RAD51B: variants seen among roughly 807,000 people sequenced by gnomAD.
RAD51B encodes DNA repair protein RAD51 homolog 2.
A neutral mutation model predicts 42.2 loss-of-function variants in RAD51B; 38 were observed. The observed-to-expected ratio is 0.90, with a 90% CI of 0.70 to 1.18. The LOEUF (loss-of-function observed/expected upper bound fraction) is 1.18, where lower values mean the gene tolerates loss of function less well. Among genes scored for constraint, RAD51B ranks in the 50% most tolerant of loss-of-function variants. The pLI is 0.00. For missense variants in RAD51B, 373 were observed against 400.7 expected (o/e 0.93, Z 0.59); for synonymous variants, 154 against 145.2 (o/e 1.06, Z -0.43).
chr14:68,171,579 G>A (rs1450710543), intron 7 of RAD51B, among the ~76,000 whole-genome samples: 1 of 151,934 alleles, frequency 6.6e-6, no homozygotes, highest in African/African-American at 2.4e-5. Context: ...GGGATTACAG[G>A]CATAAGAACC....
intron 8 of RAD51B, among the ~76,000 whole-genome samples, chr14:68,315,732 C>T (rs1365098024): frequency 2.0e-5 from 3 of 152,120 alleles, no homozygotes; most frequent in Admixed American, 6.5e-5. Context: ...CCATGTTAGC[C>T]AGGATAGTCT....
At chr14:68,349,641 C>T (rs2082743312) in intron 8 of RAD51B, among the ~76,000 whole-genome samples, 1 of 152,190 alleles carries the variant, frequency 6.6e-6, no homozygotes. Flanking sequence ...GCTGGGATTA[C>T]AGGCATGAGC....
intron 7 of RAD51B, among the ~76,000 whole-genome samples, chr14:68,096,532 T>C (rs548576528): frequency 6.6e-6 from 1 of 152,342 alleles, no homozygotes; most frequent in East Asian, 1.9e-4. Context: ...CAATGATGGA[T>C]GTTATAGCAA....
At chr14:68,148,882 G>A (rs2078313082) in intron 7 of RAD51B, among the ~76,000 whole-genome samples, 2 of 152,200 alleles carry the variant, frequency 1.3e-5, no homozygotes, top group Non-Finnish European at 2.9e-5. Context: ...AAGATATGAT[G>A]TTCTGTAGGT....
At chr14:68,003,708 A>G (rs1426487427) in intron 7 of RAD51B, among the ~76,000 whole-genome samples, 10 of 152,116 alleles carry the variant, frequency 6.6e-5, no homozygotes. Flanking sequence ...TACCTAGTTT[A>G]TTGAGAGTTT....
intron 7 of RAD51B, among the ~76,000 whole-genome samples, chr14:68,031,887 T>A (rs1243550297): frequency 6.6e-6 from 1 of 152,244 alleles, no homozygotes; most frequent in Non-Finnish European, 1.5e-5. Flanking sequence ...GCTTCTGCTC[T>A]GAATGATATG....
At chr14:68,112,009 C>T (rs1447203019) in intron 7 of RAD51B, among the ~76,000 whole-genome samples, 1 of 152,090 alleles carries the variant, frequency 6.6e-6, no homozygotes, top group Non-Finnish European at 1.5e-5. Flanking sequence ...TCTAACTCTC[C>T]TGCAAGAGGC....
intron 8 of RAD51B, among the ~76,000 whole-genome samples, chr14:68,318,234 A>G (rs757357984): frequency 2.6e-5 from 4 of 152,222 alleles, no homozygotes; most frequent in African/African-American, 9.6e-5. Context: ...TGTCCAGTTC[A>G]ACCTGGCCAT....
chr14:68,410,941 C>CG (rs113532492), intron 8 of RAD51B, among the ~76,000 whole-genome samples: 35,688 of 151,146 alleles, frequency 0.24, 4,469 homozygotes, highest in Non-Finnish European at 0.28. Context: ...GTTGTGTATA[C>CG]GGGGGGGTGG....
chr14:68,466,954 C>T (rs920082180), intron 9 of RAD51B, among the ~76,000 whole-genome samples: 52 of 152,274 alleles, frequency 3.4e-4, no homozygotes, highest in African/African-American at 1.2e-3. Context: ...TAGTTGACAG[C>T]AAATATTTGT....
intron 7 of RAD51B, among the ~76,000 whole-genome samples, chr14:68,237,194 A>G (rs912558681): frequency 6.6e-6 from 1 of 152,232 alleles, no homozygotes; most frequent in Non-Finnish European, 1.5e-5. Flanking sequence ...GAGCACCTGG[A>G]TTCAAGTGTC....
At chr14:67,965,500 T>A (rs1484231911) in intron 7 of RAD51B, among the ~76,000 whole-genome samples, 1 of 152,164 alleles carries the variant, frequency 6.6e-6, no homozygotes, top group Admixed American at 6.5e-5. Flanking sequence ...CATATCACTC[T>A]CTGGTTTAAA....
intron 10 of RAD51B, among the ~76,000 whole-genome samples, chr14:68,553,076 A>G (rs1888658145): frequency 6.6e-6 from 1 of 152,198 alleles, no homozygotes; most frequent in Admixed American, 6.5e-5. Context: ...TTCTTCCTCT[A>G]TCGCACATAT....
At chr14:68,321,260 C>T (rs185773514) in intron 8 of RAD51B, among the ~76,000 whole-genome samples, 6 of 152,302 alleles carry the variant, frequency 3.9e-5, no homozygotes, top group Admixed American at 1.3e-4. Context: ...AGTAATCTTG[C>T]TCCGTACTGC....
chr14:68,633,008 G>A (rs558893342), intron 10 of RAD51B, among the ~76,000 whole-genome samples: 1 of 101,104 alleles, frequency 9.9e-6, no homozygotes, highest in East Asian at 2.6e-4. Context: ...TTGGAGAGAG[G>A]GGTTCTCACC....
In RAD51B at chr14:68,195,822, C is replaced by A. The variant is rs547160261; in HGVS notation, c.757-96062C>A. 6.6e-4 allele frequency among the ~76,000 whole-genome samples: 100 copies of A among 150,980 alleles called. 1 individual carries two copies. The highest frequency in any genetic ancestry group is 3.4e-3 in the Middle Eastern group (1 of 294). On this transcript the variant is annotated intron_variant, in intron 7 of 10. Transcript: ENST00000471583. Reference sequence around the variant, plus strand: ...ACTTGGGAGGCTGAGGCAGGAGAATCCCTTGAACCCAGGAGGCAGAGGTTG... The same window carrying A: ...ACTTGGGAGGCTGAGGCAGGAGAATACCTTGAACCCAGGAGGCAGAGGTTG...
rs906258080 is a variant in RAD51B at position 68,099,211 on chromosome 14, C to T, written c.757-192673C>T. Among the ~76,000 whole-genome samples the T allele has an allele frequency of 5.9e-5, 9 of 152,220 alleles. No homozygotes were observed. In the East Asian group the frequency reaches 1.7e-3, roughly 29 times the overall value. ...CATAAAGTCTTATTATTTAGAGGCC[C>T]CTAACAGAATAGGATACTGGTCCTG... On this transcript the variant is annotated intron_variant, in intron 7 of 10. Coordinates refer to ENST00000471583, the MANE Select transcript of RAD51B (RefSeq NM_133510.4).
At chr14:68,406,588 T>G (rs1004410973) in intron 8 of RAD51B, among the ~76,000 whole-genome samples, 1 of 152,208 alleles carries the variant, frequency 6.6e-6, no homozygotes, top group African/African-American at 2.4e-5. Context: ...CATGAAGGCC[T>G]AGGACACTGC....
intron 7 of RAD51B, among the ~76,000 whole-genome samples, chr14:68,188,758 ACTT>A (rs1443199806): frequency 6.6e-6 from 1 of 152,088 alleles, no homozygotes; most frequent in Non-Finnish European, 1.5e-5. Context: ...ACTTCTTTTG[ACTT>A]CTTCTCTAAA....
Sources: allele counts gnomAD v4.1 joint callset (sites outside exome capture counted in the v4.1 genomes callset), GRCh38; gene constraint gnomAD v4.1.1; transcripts MANE v1.5; gene names NCBI Gene and HGNC (gene_info 2026-07-23, HGNC 2026-07-21).